Variants in PDS5A observed in about 807,000 individuals in gnomAD.
PDS5A encodes sister chromatid cohesion protein PDS5 homolog A.
Under a neutral mutation model 167.1 loss-of-function variants are expected in PDS5A, and 42 were observed. The observed-to-expected ratio is 0.25, with a 90% CI of 0.20 to 0.33. The LOEUF (loss-of-function observed/expected upper bound fraction) is 0.33. Ranked by LOEUF, PDS5A falls within the 10% of genes least tolerant of loss-of-function variation. The pLI, the probability that PDS5A is intolerant of heterozygous loss-of-function variation, is 1.00. For synonymous variants in PDS5A, 553 were observed against 554.6 expected, an observed-to-expected ratio of 1.00 and a Z score of 0.04; for missense variants, 1,033 against 1,605.9, an observed-to-expected ratio of 0.64 and a Z score of 6.10.
chr4:39,937,855 C>T (rs1477745272), intron 2 of PDS5A, among the ~76,000 whole-genome samples: 2 of 152,166 alleles, frequency 1.3e-5, no homozygotes, highest in East Asian at 3.8e-4. Context: ...TCTGGTGGTG[C>T]CCTAAAGCAG....
intron 8 of PDS5A, 55 bp downstream of exon 8, chr4:39,916,993 C>A: frequency 1.9e-6 from 2 of 1,080,090 alleles, no homozygotes; most frequent in South Asian, 2.2e-5. Flanking sequence ...TTACATTGTG[C>A]CTGCTCTAGA....
chr4:39,871,710 T>TCC (rs1180781174), intron 21 of PDS5A, among the ~76,000 whole-genome samples: 2 of 152,194 alleles, frequency 1.3e-5, no homozygotes, highest in Non-Finnish European at 2.9e-5. Flanking sequence ...TTTATTTATT[T>TCC]ATTTATTTTT....
At chr4:39,962,583 A>G (rs1729587776) in intron 2 of PDS5A, among the ~76,000 whole-genome samples, 1 of 151,878 alleles carries the variant, frequency 6.6e-6, no homozygotes, top group Admixed American at 6.6e-5. Context: ...AGGCGAGCAG[A>G]TCACAAGGTC....
At chr4:39,917,986 T>C (rs1159048094) in intron 7 of PDS5A, among the ~76,000 whole-genome samples, 2 of 152,056 alleles carry the variant, frequency 1.3e-5, no homozygotes, top group Admixed American at 1.3e-4. Flanking sequence ...GAGACCAGCC[T>C]GGGCAACACA....
chr4:39,953,691 C>T (rs1728627788), intron 2 of PDS5A, among the ~76,000 whole-genome samples: 1 of 152,114 alleles, frequency 6.6e-6, no homozygotes, highest in African/African-American at 2.4e-5. Flanking sequence ...GATCGTACCA[C>T]TGCACTCCAG....
chr4:39,884,421 C>T (rs1031830900), intron 17 of PDS5A, among the ~76,000 whole-genome samples: 1 of 152,182 alleles, frequency 6.6e-6, no homozygotes, highest in African/African-American at 2.4e-5. Flanking sequence ...ACTCAGTAGT[C>T]TTCTCTGCCT....
chr4:39,964,807 G>A (rs570092746), intron 2 of PDS5A, among the ~76,000 whole-genome samples: 2 of 152,130 alleles, frequency 1.3e-5, no homozygotes, highest in East Asian at 3.9e-4. Context: ...GGTGGGCATG[G>A]TGGCACATGC....
intron 30 of PDS5A, among the ~76,000 whole-genome samples, chr4:39,844,399 C>T (rs572081281): frequency 1.3e-3 from 194 of 150,562 alleles, no homozygotes; most frequent in African/African-American, 4.3e-3. Flanking sequence ...TGCTTGAACC[C>T]GGGAGGCAGA....
At chr4:39,880,231 A>T (rs918088483) in intron 17 of PDS5A, among the ~76,000 whole-genome samples, 4 of 152,208 alleles carry the variant, frequency 2.6e-5, no homozygotes, top group African/African-American at 9.6e-5. Flanking sequence ...ACACATGGAC[A>T]AATGAATTAA....
intron 2 of PDS5A, among the ~76,000 whole-genome samples, chr4:39,938,167 C>T (rs1426334949): frequency 6.6e-6 from 1 of 152,234 alleles, no homozygotes; most frequent in African/African-American, 2.4e-5. Context: ...TATCTGACCA[C>T]TTGGCAGCTC....
chr4:39,888,241 C>CAAAAAAAA (rs34845975), intron 17 of PDS5A, among the ~76,000 whole-genome samples: 26 of 56,248 alleles, frequency 4.6e-4, no homozygotes, highest in African/African-American at 1.6e-3. Flanking sequence ...AAGACTCCGG[C>CAAAAAAAA]AAAAAAAAAA....
intron 31 of PDS5A, 50 bp downstream of exon 31, chr4:39,841,898 C>G (rs753649722): frequency 1.0e-6 from 1 of 988,984 alleles, no homozygotes; most frequent in Admixed American, 1.9e-5. Flanking sequence ...TACGGAAAAA[C>G]TGTAATAATC....
intron 18 of PDS5A, 47 bp from the exon 19 acceptor site, chr4:39,877,200 C>A: frequency 4.8e-6 from 6 of 1,248,706 alleles, no homozygotes; most frequent in Non-Finnish European, 3.3e-6. Context: ...TGGTTTTAAT[C>A]CATTAAAAAA....
intron 2 of PDS5A, among the ~76,000 whole-genome samples, chr4:39,948,117 T>C (rs192003871): frequency 1.3e-3 from 186 of 148,130 alleles, no homozygotes; most frequent in African/African-American, 4.4e-3. Context: ...CTGGGTATGG[T>C]AGCACGTACC....
intron 31 of PDS5A, among the ~76,000 whole-genome samples, chr4:39,838,663 C>T (rs576634435): frequency 2.7e-4 from 41 of 151,844 alleles, no homozygotes; most frequent in South Asian, 6.2e-4. Flanking sequence ...GTTGAGGCTA[C>T]AGTAAGCAGA....
chr4:39,938,980 C>G (rs1014238283), intron 2 of PDS5A, among the ~76,000 whole-genome samples: 3 of 151,276 alleles, frequency 2.0e-5, no homozygotes, highest in African/African-American at 7.3e-5. Flanking sequence ...AAAAAAAAAG[C>G]AATAATACAA....
chr4:39,954,313 C>T (rs1325525992), intron 2 of PDS5A, among the ~76,000 whole-genome samples: 1 of 151,876 alleles, frequency 6.6e-6, no homozygotes, highest in African/African-American at 2.4e-5. Flanking sequence ...TGAGCCATGA[C>T]GGTGCCACTG....
chr4:39,917,094 G>A lies in PDS5A; in HGVS notation c.830C>T (p.Pro277Leu). ...DLIQELFAID[P>L]HLLLSVMPQL... ...TGGCATGACGGATAATAATAAATGA[G>A]GATCTATAGCAAAAAGTTCCTGAAT... The change falls in exon 8 of 33, where the codon CCT (proline) becomes CTT (leucine). Residue 277 changes from proline (P) to leucine (L), a missense_variant. Transcript: ENST00000303538. The A allele has an allele frequency of 6.4e-7, 1 of 1,551,876 alleles. No individual in the cohort carries two copies. The highest frequency in any genetic ancestry group is 8.7e-7 in the Non-Finnish European group (1 of 1,150,716).
intron 31 of PDS5A, among the ~76,000 whole-genome samples, chr4:39,840,013 G>C (rs952194544): frequency 2.6e-5 from 4 of 152,048 alleles, no homozygotes; most frequent in Non-Finnish European, 5.9e-5. Flanking sequence ...AGAATCGCTT[G>C]AACCCAGGAG....
Sources: allele counts gnomAD v4.1 joint callset (sites outside exome capture counted in the v4.1 genomes callset), GRCh38; gene constraint gnomAD v4.1.1; transcripts MANE v1.5; gene names NCBI Gene and HGNC (gene_info 2026-07-23, HGNC 2026-07-21).